PTPRM: variants seen among roughly 807,000 people sequenced by gnomAD.
PTPRM encodes the protein receptor-type tyrosine-protein phosphatase mu.
Under a neutral mutation model 186.7 loss-of-function variants are expected in PTPRM, and 47 were observed. The ratio of observed to expected loss-of-function variants is 0.25; its 90% CI spans 0.20 to 0.32. PTPRM has a LOEUF of 0.32. PTPRM is among the 10% of genes least tolerant of loss of function. The probability of loss-of-function intolerance (pLI) is 1.00; values close to 1 mark genes in which losing one functional copy is unlikely to be tolerated. For missense variants in PTPRM, 1,494 were observed against 1,865.0 expected (o/e 0.80, Z 3.66); for synonymous variants, 668 against 674.9 (o/e 0.99, Z 0.16).
intron 1 of PTPRM, among the ~76,000 whole-genome samples, chr18:7,736,901 CAA>C (rs1555661259): frequency 2.2e-4 from 33 of 152,080 alleles, no homozygotes; most frequent in Non-Finnish European, 2.4e-4. Context: ...GAGTATAAAA[CAA>C]TATAAAATAA....
At position 7,833,613 on chromosome 18, in the gene PTPRM, A is replaced by C. The variant is rs371192600; in HGVS notation, c.197-54493A>C. Among the ~76,000 whole-genome samples, 439 of 152,158 alleles carry C rather than the reference A, an allele frequency of 2.9e-3. 5 individuals carry two copies. Among genetic ancestry groups the C allele is most frequent in the African/African-American group, 9.9e-3 (412 of 41,496 alleles). ...GCCGGGCATGGTGGCAGGTGCCTAT[A>C]ATCCCAGCTACTCGGGAGGCTGAGG... On this transcript the variant is annotated intron_variant, in intron 2 of 32. Coordinates refer to ENST00000580170, the MANE Select transcript of PTPRM (RefSeq NM_001105244.2).
intron 22 of PTPRM, among the ~76,000 whole-genome samples, chr18:8,321,181 G>T (rs1013023434): frequency 6.6e-6 from 1 of 152,076 alleles, no homozygotes; most frequent in Non-Finnish European, 1.5e-5. Flanking sequence ...TTGTAAATTC[G>T]TGTGAAAATT....
intron 3 of PTPRM, among the ~76,000 whole-genome samples, chr18:7,901,541 A>G (rs1364823335): frequency 6.6e-6 from 1 of 151,954 alleles, no homozygotes; most frequent in East Asian, 1.9e-4. Context: ...TAATTTTTGT[A>G]TTTTTAGTAG....
intron 14 of PTPRM, among the ~76,000 whole-genome samples, chr18:8,228,843 C>T (rs998014597): frequency 6.6e-6 from 1 of 152,070 alleles, no homozygotes; most frequent in Non-Finnish European, 1.5e-5. Flanking sequence ...CACAGCAAGA[C>T]TCCGTCTCAA....
At chr18:8,343,637 T>C in intron 23 of PTPRM, 117 bp downstream of exon 23, 2 of 733,610 alleles carry the variant, frequency 2.7e-6, no homozygotes, top group East Asian at 2.8e-5. Flanking sequence ...CATTAACTAC[T>C]CCAGCTCCTC....
intron 19 of PTPRM, among the ~76,000 whole-genome samples, chr18:8,254,652 A>C (rs903107761): frequency 6.6e-6 from 1 of 152,040 alleles, no homozygotes; most frequent in African/African-American, 2.4e-5. Context: ...TGAGTTTCCA[A>C]CTCTGTTTCT....
At chr18:7,886,154 A>G (rs558247445) in intron 2 of PTPRM, among the ~76,000 whole-genome samples, 46 of 152,336 alleles carry the variant, frequency 3.0e-4, no homozygotes, top group African/African-American at 1.1e-3. Context: ...ACTGTTGTAG[A>G]TAACAGAGCC....
chr18:7,869,607 CGCTGGA>C (rs2047887031), intron 2 of PTPRM, among the ~76,000 whole-genome samples: 3 of 152,242 alleles, frequency 2.0e-5, no homozygotes, highest in Admixed American at 2.0e-4. Context: ...GTGTTGATCT[CGCTGGA>C]AGCTGCAGAC....
At chr18:8,154,961 C>T (rs551771362) in intron 14 of PTPRM, 22 of 151,916 alleles carry the variant, frequency 1.4e-4, no homozygotes, top group African/African-American at 4.8e-4. Flanking sequence ...TTTTATTTTC[C>T]GTCCCACAAA....
chr18:8,196,664 A>C (rs2093782516), intron 14 of PTPRM, among the ~76,000 whole-genome samples: 1 of 152,244 alleles, frequency 6.6e-6, no homozygotes, highest in Non-Finnish European at 1.5e-5. Flanking sequence ...GATTATGTCA[A>C]AAAGCAGTTT....
At chr18:8,088,617 C>T (rs1268831421) in intron 10 of PTPRM, 132 bp from the exon 11 acceptor site, 23 of 694,088 alleles carry the variant, frequency 3.3e-5, no homozygotes, top group South Asian at 2.4e-4. Context: ...GAAGCTTGCT[C>T]GTGGTTGTTG....
At chr18:7,646,909 T>C (rs2038578366) in intron 1 of PTPRM, among the ~76,000 whole-genome samples, 1 of 152,070 alleles carries the variant, frequency 6.6e-6, no homozygotes, top group African/African-American at 2.4e-5. Context: ...TCTCTGTATT[T>C]TTAGGGGGAG....
At chr18:7,772,438 CCCTTCCCCTTCCTTCCTT>C (rs1329765389) in intron 1 of PTPRM, among the ~76,000 whole-genome samples, 8 of 124,594 alleles carry the variant, frequency 6.4e-5, no homozygotes, top group Middle Eastern at 4.6e-3. Context: ...CTTCCCCTTC[CCCTTCCCCTTCCTTCCTT>C]CCTTCCTTCC....
chr18:7,705,476 A>G (rs2040066295), intron 1 of PTPRM, among the ~76,000 whole-genome samples: 1 of 151,844 alleles, frequency 6.6e-6, no homozygotes, highest in Non-Finnish European at 1.5e-5. Context: ...TTCATTGCCT[A>G]TGTTTTATTA....
At chr18:7,614,004 G>C (rs971634708) in intron 1 of PTPRM, among the ~76,000 whole-genome samples, 13 of 152,138 alleles carry the variant, frequency 8.5e-5, no homozygotes, top group African/African-American at 3.1e-4. Flanking sequence ...ATGACTTAGT[G>C]GGGGGATTGC....
chr18:8,085,935 C>A, intron 10 of PTPRM, 63 bp downstream of exon 10: 1 of 1,504,856 alleles, frequency 6.6e-7, no homozygotes, highest in East Asian at 2.3e-5. Context: ...TTTTCATTCC[C>A]ATTGTCAAGT....
At chr18:7,860,708 A>G (rs1419655641) in intron 2 of PTPRM, among the ~76,000 whole-genome samples, 2 of 152,226 alleles carry the variant, frequency 1.3e-5, no homozygotes, top group Non-Finnish European at 2.9e-5. Flanking sequence ...TTTGTCCAGT[A>G]TGCAGGGAAA....
intron 11 of PTPRM, among the ~76,000 whole-genome samples, chr18:8,095,655 G>T (rs1407024538): frequency 6.6e-6 from 1 of 152,058 alleles, no homozygotes; most frequent in Non-Finnish European, 1.5e-5. Context: ...AAGGCTGGAG[G>T]ATGTGCTGGG....
intron 7 of PTPRM, among the ~76,000 whole-genome samples, chr18:8,023,830 AG>A (rs2085376598): frequency 7.7e-6 from 1 of 130,584 alleles, no homozygotes; most frequent in Non-Finnish European, 1.6e-5. Flanking sequence ...AATTATCAGA[AG>A]ACACACACAC....
Sources: allele counts gnomAD v4.1 joint callset (sites outside exome capture counted in the v4.1 genomes callset), GRCh38; gene constraint gnomAD v4.1.1; transcripts MANE v1.5; gene names NCBI Gene and HGNC (gene_info 2026-07-23, HGNC 2026-07-21).